Variants in ZNF536 observed in about 807,000 individuals in gnomAD.
ZNF536 encodes zinc finger protein 536.
Under a neutral mutation model 84.5 loss-of-function variants are expected in ZNF536, and 13 were observed. The ratio of observed to expected loss-of-function variants is 0.15; its 90% CI spans 0.10 to 0.24. The LOEUF (loss-of-function observed/expected upper bound fraction) is 0.24, where lower values mean the gene tolerates loss of function less well. Among genes scored for constraint, ZNF536 ranks in the 10% least tolerant of loss-of-function variants. The pLI is 1.00. For synonymous variants in ZNF536, 811 were observed against 742.5 expected (o/e 1.09, Z -1.50); for missense variants, 1,536 against 1,747.5 (o/e 0.88, Z 2.16).
intron 1 of ZNF536, among the ~76,000 whole-genome samples, chr19:30,279,998 AG>A (rs2045380634): frequency 2.0e-5 from 3 of 152,164 alleles, no homozygotes; most frequent in Admixed American, 1.3e-4. Flanking sequence ...CATCCGGGGA[AG>A]GGCCATCCTG....
intron 3 of ZNF536, among the ~76,000 whole-genome samples, chr19:30,547,483 C>T (rs553868025): frequency 5.3e-5 from 8 of 152,174 alleles, no homozygotes; most frequent in Non-Finnish European, 7.4e-5. Context: ...TTCAGTCTTG[C>T]GTAACAGTGC....
At position 30,362,305 on chromosome 19, in the gene ZNF536, C is replaced by T. The variant is rs535510134; in HGVS notation, c.-3+9821C>T. On this transcript the variant is annotated intron_variant, in intron 3 of 5. Coordinates refer to the ZNF536 transcript ENST00000585628. ...AGAGGCGGGCGGCTTTCCTAGTGAGCTCCGGAAGATGAGAGCCGCATCTCA... is the reference window on the plus strand; with the variant it reads ...AGAGGCGGGCGGCTTTCCTAGTGAGTTCCGGAAGATGAGAGCCGCATCTCA... Among the ~76,000 whole-genome samples the T allele has an allele frequency of 6.5e-4, 99 of 152,174 alleles. 2 individuals carry two copies. The highest frequency in any genetic ancestry group is 3.4e-3 in the Middle Eastern group (1 of 290).
At chr19:30,226,150 C>T (rs1462192900), upstream of ZNF536, among the ~76,000 whole-genome samples, 1 of 150,290 alleles carries the variant, frequency 6.7e-6, no homozygotes. This position sits in a 1 kb window ranked among gnomAD's most constrained non-coding sequence, Gnocchi z 4.6. Flanking sequence ...GGGACCCGGC[C>T]GGCGCCCCCC....
intron 1 of ZNF536, among the ~76,000 whole-genome samples, chr19:30,263,086 T>C (rs1453788694): frequency 1.3e-5 from 2 of 152,168 alleles, no homozygotes; most frequent in East Asian, 3.9e-4. Context: ...GCAAAGGCAG[T>C]GAGCCCCGAG....
At chr19:30,621,352 G>A (rs759574246) in intron 1 of ZNF536, among the ~76,000 whole-genome samples, 3 of 151,920 alleles carry the variant, frequency 2.0e-5, no homozygotes, top group African/African-American at 4.8e-5. Flanking sequence ...CTCACATATC[G>A]TGCCAGAATT....
chr19:30,358,326 A>C (rs762070838), intron 3 of ZNF536, among the ~76,000 whole-genome samples: 9 of 152,226 alleles, frequency 5.9e-5, no homozygotes, highest in African/African-American at 2.2e-4. Context: ...GTTTATGTCC[A>C]GCTCAGTTCT....
intron 1 of ZNF536, among the ~76,000 whole-genome samples, chr19:30,572,663 G>T (rs552357548): frequency 1.3e-5 from 2 of 152,170 alleles, no homozygotes; most frequent in East Asian, 1.9e-4. Flanking sequence ...GACATCTCTC[G>T]TGGGGCTTAC....
In ZNF536 at chr19:30,443,982, C is replaced by T. The variant is rs1203480729; in HGVS notation, c.420C>T (p.Arg140=). The T allele has an allele frequency of 6.8e-6, 11 of 1,613,784 alleles. No homozygotes were observed. Among genetic ancestry groups the T allele is most frequent in the Non-Finnish European group, 8.5e-6 (10 of 1,180,018 alleles). The change falls in exon 2 of 5, where the codon CGC becomes CGT. Residue 140 remains arginine, a synonymous_variant. Transcript: ENST00000355537. ...YPCPLCGKRF[R]FNSILSLHMR... ...GCCCACTCTGCGGCAAGCGCTTCCG[C>T]TTCAACAGCATCCTCTCCCTGCACA...
At chr19:30,428,485 C>T (rs1420392770) in intron 1 of ZNF536, among the ~76,000 whole-genome samples, 2 of 152,196 alleles carry the variant, frequency 1.3e-5, no homozygotes, top group Non-Finnish European at 2.9e-5. Flanking sequence ...CCCAGAGTCC[C>T]AGTAAAGAGA....
chr19:30,396,797 G>T (rs748565835), intron 1 of ZNF536, among the ~76,000 whole-genome samples: 41 of 152,040 alleles, frequency 2.7e-4, no homozygotes, highest in Non-Finnish European at 4.7e-4. Flanking sequence ...TAGAGACGGG[G>T]TTTCACCATG....
intron 2 of ZNF536, among the ~76,000 whole-genome samples, chr19:30,506,930 C>T (rs566568396): frequency 6.6e-6 from 1 of 152,284 alleles, no homozygotes; most frequent in Middle Eastern, 3.4e-3. Flanking sequence ...CTTTATATCC[C>T]TTCAGGCTTT....
intron 2 of ZNF536, among the ~76,000 whole-genome samples, chr19:30,525,258 A>G (rs544917493): frequency 2.6e-5 from 4 of 152,192 alleles, no homozygotes; most frequent in African/African-American, 7.2e-5. Flanking sequence ...TCACCCTGCA[A>G]TCATCCAACT....
chr19:30,631,341 G>T (rs1451526324), intron 1 of ZNF536, among the ~76,000 whole-genome samples: 1 of 152,186 alleles, frequency 6.6e-6, no homozygotes, highest in East Asian at 1.9e-4. Flanking sequence ...AAATCCGACT[G>T]CTGGCACTGG....
At chr19:30,647,158 T>A (rs1254074197) in intron 1 of ZNF536, among the ~76,000 whole-genome samples, 2 of 152,218 alleles carry the variant, frequency 1.3e-5, no homozygotes, top group East Asian at 3.8e-4. Flanking sequence ...TTACGTATGA[T>A]CTCCCTTTTG....
intron 1 of ZNF536, among the ~76,000 whole-genome samples, chr19:30,645,404 T>A (rs994789400): frequency 1.3e-5 from 2 of 152,226 alleles, no homozygotes; most frequent in African/African-American, 4.8e-5. Flanking sequence ...TGGCTTTTGC[T>A]GCCATTGCTT....
chr19:30,685,715 C>G (rs993148784), intron 1 of ZNF536, among the ~76,000 whole-genome samples: 2 of 152,170 alleles, frequency 1.3e-5, no homozygotes, highest in Non-Finnish European at 2.9e-5. Flanking sequence ...GAAATGGCCC[C>G]GTGCAGAGGC....
At chr19:30,587,620 G>A (rs979082886) in intron 1 of ZNF536, among the ~76,000 whole-genome samples, 8 of 152,158 alleles carry the variant, frequency 5.3e-5, no homozygotes, top group Admixed American at 1.3e-4. Flanking sequence ...ATTGTCAGTC[G>A]AACTATTGAT....
intron 1 of ZNF536, among the ~76,000 whole-genome samples, chr19:30,681,965 G>A (rs77161446): frequency 4.1e-4 from 63 of 152,270 alleles, no homozygotes; most frequent in African/African-American, 1.2e-3. Flanking sequence ...TGTGTCTTCC[G>A]TAAGCGATTT....
intron 2 of ZNF536, among the ~76,000 whole-genome samples, chr19:30,348,503 AC>A (rs999594712): frequency 6.6e-6 from 1 of 152,056 alleles, no homozygotes; most frequent in African/African-American, 2.4e-5. Flanking sequence ...ATTTGTGGGC[AC>A]CCCTGTGGGT....
Sources: allele counts gnomAD v4.1 joint callset (sites outside exome capture counted in the v4.1 genomes callset), GRCh38; gene constraint gnomAD v4.1.1; non-coding constraint Gnocchi (gnomAD v3.1); transcripts MANE v1.5; gene names NCBI Gene and HGNC (gene_info 2026-07-23, HGNC 2026-07-21).